ZNF804A: variants seen among roughly 807,000 people sequenced by gnomAD.
ZNF804A encodes the protein zinc finger protein 804A.
ZNF804A carries 2 observed loss-of-function variants against 16.5 expected under a neutral mutation model. The ratio of observed to expected loss-of-function variants is 0.12; its 90% CI spans 0.05 to 0.38. The LOEUF (loss-of-function observed/expected upper bound fraction) is 0.38. Among genes scored for constraint, ZNF804A ranks in the 10% least tolerant of loss-of-function variants. ZNF804A has a pLI of 0.99. For missense variants in ZNF804A, 1,473 were observed against 1,390.7 expected (o/e 1.06, Z -0.94); for synonymous variants, 534 against 489.6 (o/e 1.09, Z -1.20).
intron 2 of ZNF804A, among the ~76,000 whole-genome samples, chr2:184,885,164 A>G (rs1397892310): frequency 6.6e-6 from 1 of 152,170 alleles, no homozygotes; most frequent in East Asian, 1.9e-4. Context: ...CACATTAGTC[A>G]GAAAGGCTAA....
intron 1 of ZNF804A, among the ~76,000 whole-genome samples, chr2:184,748,860 TC>T (rs1405632712): frequency 6.6e-6 from 1 of 151,588 alleles, no homozygotes; most frequent in Non-Finnish European, 1.5e-5. Flanking sequence ...CCTCATTGCT[TC>T]TTTTTGTTGA....
intron 1 of ZNF804A, among the ~76,000 whole-genome samples, chr2:184,650,254 C>T (rs1040100038): frequency 5.3e-5 from 8 of 151,966 alleles, no homozygotes; most frequent in Non-Finnish European, 7.4e-5. Flanking sequence ...TGACAAAATC[C>T]GAAATCCCTT....
chr2:184,749,986 A>G (rs893773895), intron 1 of ZNF804A, among the ~76,000 whole-genome samples: 4 of 151,390 alleles, frequency 2.6e-5, no homozygotes, highest in African/African-American at 9.7e-5. Flanking sequence ...GAATACTTAT[A>G]TACTTATTTA....
At chr2:184,726,299 T>C (rs541077747) in intron 1 of ZNF804A, among the ~76,000 whole-genome samples, 66 of 151,728 alleles carry the variant, frequency 4.3e-4, no homozygotes, top group Admixed American at 1.1e-3. Context: ...ATTGTCACCA[T>C]TGTTTGTTTT....
intron 1 of ZNF804A, among the ~76,000 whole-genome samples, chr2:184,714,641 G>A (rs76592719): frequency 0.015 from 2,206 of 152,074 alleles, 62 homozygotes; most frequent in African/African-American, 0.05. Context: ...TTGTGAATGA[G>A]CATTAAAAGA....
intron 1 of ZNF804A, among the ~76,000 whole-genome samples, chr2:184,765,186 C>T (rs774171160): frequency 1.4e-4 from 22 of 152,120 alleles, no homozygotes; most frequent in Non-Finnish European, 2.8e-4. Flanking sequence ...CATGTAACTA[C>T]TGTGGGTAAG....
chr2:184,756,513 T>C (rs1363946800), intron 1 of ZNF804A, among the ~76,000 whole-genome samples: 3 of 152,060 alleles, frequency 2.0e-5, no homozygotes, highest in African/African-American at 7.2e-5. Flanking sequence ...ATAAATTTTA[T>C]AGGTTTTAAA....
At chr2:184,717,984 G>T (rs954062452) in intron 1 of ZNF804A, among the ~76,000 whole-genome samples, 7 of 151,962 alleles carry the variant, frequency 4.6e-5, no homozygotes, top group African/African-American at 1.7e-4. Flanking sequence ...TCAGGCAAGA[G>T]AAAAAAATAA....
At position 184,938,506 on chromosome 2, in the gene ZNF804A, C is replaced by A; in HGVS notation, c.3110C>A (p.Pro1037Gln). ...LALPEQALLI[P>Q]LENHDKFKNV... ...TTACCAGAGCAAGCATTATTGATCC[C>A]ACTAGAAAACCATGACAAATTCAAA... The change falls in exon 4 of 4, where the codon CCA becomes CAA. Residue 1037 changes from proline (P) to glutamine (Q), a missense_variant. Physicochemically the swap from Pro to Gln is moderately conservative, Grantham distance 76 (BLOSUM62 -1). Transcript: ENST00000302277. 6.2e-7 allele frequency: 1 copy of A among 1,614,048 alleles called. No individual in the cohort carries two copies. The highest frequency in any genetic ancestry group is 2.2e-5 in the East Asian group (1 of 44,846).
intron 1 of ZNF804A, among the ~76,000 whole-genome samples, chr2:184,853,957 C>T (rs936369771): frequency 2.0e-5 from 3 of 149,100 alleles, no homozygotes; most frequent in Non-Finnish European, 4.5e-5. Context: ...ATTTCCTCTT[C>T]TTCAACTTTT....
chr2:184,807,856 A>G (rs769201646), intron 1 of ZNF804A, among the ~76,000 whole-genome samples: 3 of 151,698 alleles, frequency 2.0e-5, no homozygotes, highest in Non-Finnish European at 1.5e-5. Flanking sequence ...GAATATTTGT[A>G]CAAAGACCAA....
chr2:184,721,011 A>G (rs1377466656), intron 1 of ZNF804A, among the ~76,000 whole-genome samples: 2 of 152,250 alleles, frequency 1.3e-5, no homozygotes, highest in African/African-American at 4.8e-5. Context: ...ACTTTCTTCA[A>G]TAAATGATAT....
chr2:184,899,700 A>G (rs967515690), intron 2 of ZNF804A, among the ~76,000 whole-genome samples: 2 of 151,972 alleles, frequency 1.3e-5, no homozygotes, highest in African/African-American at 2.4e-5. Flanking sequence ...CATTTAAAAT[A>G]CATCTTTATA....
At chr2:184,642,023 C>T (rs1207864083) in intron 1 of ZNF804A, among the ~76,000 whole-genome samples, 2 of 151,400 alleles carry the variant, frequency 1.3e-5, no homozygotes, top group Non-Finnish European at 3.0e-5. Context: ...TCTCATCAAG[C>T]ACACACACAC....
chr2:184,900,638 A>T (rs1431138980), intron 2 of ZNF804A, among the ~76,000 whole-genome samples: 1 of 152,146 alleles, frequency 6.6e-6, no homozygotes, highest in Non-Finnish European at 1.5e-5. Flanking sequence ...TATTCAAAAG[A>T]TTTATTGGGG....
At chr2:184,646,617 C>T (rs1691879081) in intron 1 of ZNF804A, among the ~76,000 whole-genome samples, 1 of 152,346 alleles carries the variant, frequency 6.6e-6, no homozygotes, top group African/African-American at 2.4e-5. Context: ...TGAGCTGCCC[C>T]ACAACTCCTG....
At chr2:184,792,017 G>T (rs150479975) in intron 1 of ZNF804A, among the ~76,000 whole-genome samples, 1 of 152,036 alleles carries the variant, frequency 6.6e-6, no homozygotes, top group African/African-American at 2.4e-5. Context: ...TCCTCTTAGT[G>T]CTGATTAACA....
intron 2 of ZNF804A, among the ~76,000 whole-genome samples, chr2:184,890,935 A>T (rs1167277831): frequency 3.3e-5 from 5 of 151,886 alleles, no homozygotes. Context: ...CATATATTAT[A>T]CCCATTATAT....
chr2:184,726,734 A>G (rs1220359794), intron 1 of ZNF804A, among the ~76,000 whole-genome samples: 1 of 151,538 alleles, frequency 6.6e-6, no homozygotes, highest in African/African-American at 2.4e-5. Context: ...TTATTATTTA[A>G]ATATATATCT....
Sources: allele counts gnomAD v4.1 joint callset (sites outside exome capture counted in the v4.1 genomes callset), GRCh38; gene constraint gnomAD v4.1.1; transcripts MANE v1.5; gene names NCBI Gene and HGNC (gene_info 2026-07-23, HGNC 2026-07-21).